Variants in G6PD observed in about 807,000 individuals in gnomAD.
G6PD encodes the protein glucose-6-phosphate 1-dehydrogenase.
In G6PD, 2 loss-of-function variants were observed where a neutral mutation model predicts 38.2. The observed-to-expected ratio is 0.05, with a 90% CI of 0.02 to 0.16. G6PD has a LOEUF of 0.16. G6PD is among the 10% of genes least tolerant of loss of function. The pLI is 1.00. For synonymous variants in G6PD, 188 were observed against 196.0 expected (o/e 0.96, Z 0.34); for missense variants, 310 against 471.6 (o/e 0.66, Z 3.17).
intron 1 of G6PD, 57 bp downstream of exon 1, chrX:154,546,732 G>A: frequency 1.0e-6 from 1 of 959,126 alleles, no homozygotes; most frequent in Non-Finnish European, 1.4e-6. Context: ...ACCGCCGCGC[G>A]GCGCAGCGCG....
chrX:154,531,924 CG>C lies in G6PD; in HGVS notation c.*75del, dbSNP rs2070340106. 1.1e-5 allele frequency: 12 copies of C among 1,082,723 alleles called. No homozygotes were observed. The highest frequency in any genetic ancestry group is 1.5e-5 in the Non-Finnish European group (12 of 824,133). The allele number at this position is 1,082,723 out of a possible 1,213,427, so 89.2% of individuals were successfully genotyped here. A position where few individuals can be genotyped will look rare whatever the true frequency, so the allele number is the denominator to read the frequency against. On this transcript the variant is annotated 3_prime_UTR_variant, in exon 13 of 13. Coordinates refer to ENST00000393562, the MANE Select transcript of G6PD (RefSeq NM_001360016.2). The stretch of plus-strand genomic sequence containing the variant: ...AATGTGCAGCTGAGGTCAATGGTCC[CG>C]GAGTCCTCCCGACTCGGGGTCGGGC...
At chrX:154,533,976 C>A (rs1204336140) in intron 7 of G6PD, 59 bp downstream of exon 7, 74 of 1,207,317 alleles carry the variant, frequency 6.1e-5, no homozygotes, top group Non-Finnish European at 7.5e-5. Context: ...AGTAGCCCTG[C>A]AGGGTGACTG....
intron 5 of G6PD, among the ~76,000 whole-genome samples, chrX:154,534,867 C>T (rs1258202628): frequency 2.7e-5 from 3 of 112,131 alleles, no homozygotes; most frequent in African/African-American, 9.7e-5. Flanking sequence ...TTTACTACCC[C>T]CGCATTCAAA....
At position 154,532,979 on chromosome X, in the gene G6PD, T is replaced by C. The variant is rs1401465965; in HGVS notation, c.1014A>G (p.Ala338=). The part of the protein sequence containing the change: ...VPRGSTTATF[A]AVVLYVENER... The stretch of plus-strand genomic sequence containing the variant: ...CATTCTCCACATAGAGGACGACGGC[T>C]GCAAAAGTGGCGGTGGTGGACCCGC... The change falls in exon 9 of 13, where the codon GCA becomes GCG. Residue 338 remains alanine, a synonymous_variant. Transcript: ENST00000393562. 9.1e-6 allele frequency: 11 copies of C among 1,210,787 alleles called. No homozygotes were observed. The African/African-American group carries it at 1.6e-4, about 17-fold the overall frequency.
At chrX:154,537,738 GAATTCC>G (rs1431383694) in intron 2 of G6PD, among the ~76,000 whole-genome samples, 4 of 112,259 alleles carry the variant, frequency 3.6e-5, no homozygotes, top group African/African-American at 1.3e-4. Flanking sequence ...AAGCACAAGA[GAATTCC>G]AGCCTGAAGC....
At chrX:154,542,864 C>T (rs1347246901) in intron 2 of G6PD, among the ~76,000 whole-genome samples, 1 of 112,233 alleles carries the variant, frequency 8.9e-6, no homozygotes, top group Admixed American at 9.4e-5. Flanking sequence ...TCTTGCTGGT[C>T]TGCTTACTTG....
intron 7 of G6PD, 96 bp from the exon 8 acceptor site, chrX:154,533,765 G>GCTGCAAGA (rs1557230113): frequency 2.6e-5 from 31 of 1,186,854 alleles, no homozygotes; most frequent in Non-Finnish European, 3.4e-5. Context: ...CTAGTGACAA[G>GCTGCAAGA]CTGCAAGACT....
At chrX:154,544,583 C>T (rs2070638164) in intron 2 of G6PD, among the ~76,000 whole-genome samples, 1 of 112,707 alleles carries the variant, frequency 8.9e-6, no homozygotes, top group South Asian at 3.6e-4. Flanking sequence ...GCGTGAGCCA[C>T]CGTGCCCGGC....
At chrX:154,540,319 A>G (rs1264791167) in intron 2 of G6PD, among the ~76,000 whole-genome samples, 9 of 110,224 alleles carry the variant, frequency 8.2e-5, no homozygotes, top group Non-Finnish European at 1.3e-4. Flanking sequence ...AATACAAAAA[A>G]TTAGCTGGAT....
In G6PD at chrX:154,532,926, C is replaced by T. The variant is rs782637386; in HGVS notation, c.1051+16G>A. ...TGCCCAGTTCTGCCTTGCTGGGCCT[C>T]GAAGGCATCACCTACCATCCCACCT... On this transcript the variant is annotated intron_variant, in intron 9 of 12. Transcript: ENST00000393562. 141 of 1,210,207 alleles carry T rather than the reference C, an allele frequency of 1.2e-4. No homozygotes were observed. The highest frequency in any genetic ancestry group is 1.5e-4 in the Non-Finnish European group (133 of 895,005).
At chrX:154,537,300 C>T (rs1353620065) in intron 2 of G6PD, among the ~76,000 whole-genome samples, 2 of 110,220 alleles carry the variant, frequency 1.8e-5, no homozygotes, top group Non-Finnish European at 3.8e-5. Flanking sequence ...AGTGAAACTC[C>T]GTCTCAAAAA....
At chrX:154,537,960 G>A (rs1404531735) in intron 2 of G6PD, among the ~76,000 whole-genome samples, 4 of 109,236 alleles carry the variant, frequency 3.7e-5, no homozygotes, top group African/African-American at 1.3e-4. Context: ...GGGAGACCAA[G>A]GTGGGAGGAA....
At chrX:154,539,729 C>CT (rs1206155101) in intron 2 of G6PD, among the ~76,000 whole-genome samples, 263 of 105,153 alleles carry the variant, frequency 2.5e-3, no homozygotes, top group South Asian at 6.2e-3. Context: ...ACATGTATTT[C>CT]TTTTTTTTTT....
upstream of G6PD, chrX:154,547,178 G>A (rs1569556447): frequency 1.2e-5 from 3 of 246,144 alleles, no homozygotes; most frequent in African/African-American, 5.9e-5. Flanking sequence ...TTCCCCGCCT[G>A]CCCCGGCGGC....
upstream of G6PD, chrX:154,547,410 G>A (rs1430869445): frequency 1.3e-6 from 1 of 754,501 alleles, no homozygotes; most frequent in Non-Finnish European, 1.6e-6. Flanking sequence ...CCGTCCGAGA[G>A]ACGAGGGGGC....
Position 154,531,532 on chromosome X carries a change from C to T in G6PD, c.*468G>A, listed in dbSNP as rs1050830. The stretch of plus-strand genomic sequence containing the variant: ...CAGAGTTGGTGGGACAGGGGACATC[C>T]AGGGGGCTCGAGATGTTGCTGGTGA... On this transcript the variant is annotated 3_prime_UTR_variant, in exon 13 of 13. Transcript: ENST00000393562. 1 of 175,181 alleles carries T rather than the reference C, an allele frequency of 5.7e-6. No homozygotes were observed. Among genetic ancestry groups the T allele is most frequent in the Non-Finnish European group, 1.1e-5 (1 of 91,655 alleles). 14.4% of individuals were successfully genotyped at this position (175,181 alleles called of 1,213,427 possible). A position where few individuals can be genotyped will look rare whatever the true frequency, so the allele number is the denominator to read the frequency against.
chrX:154,534,385 G>A lies in G6PD; in HGVS notation c.597C>T (p.Ile199=), dbSNP rs369516039. 1.7e-5 allele frequency: 20 copies of A among 1,209,932 alleles called. No homozygotes were observed. The highest frequency in any genetic ancestry group is 2.1e-5 in the Non-Finnish European group (19 of 895,032). The change falls in exon 6 of 13, where the codon ATC becomes ATT. Residue 199 remains isoleucine (I), a synonymous_variant. Transcript: ENST00000393562. ...SLFREDQIYR[I]DHYLGKEMVQ... ...CCATCTCCTTGCCCAGGTAGTGGTC[G>A]ATGCGGTAGATCTGGTCCTCACGGA...
intron 2 of G6PD, chrX:154,542,537 C>G: frequency 9.5e-7 from 1 of 1,049,540 alleles, no homozygotes. Flanking sequence ...GAGGTGCCAT[C>G]AGGGCCCCCA....
chrX:154,539,923 A>G (rs1386070679), intron 2 of G6PD, among the ~76,000 whole-genome samples: 1 of 109,848 alleles, frequency 9.1e-6, no homozygotes, highest in African/African-American at 3.3e-5. Context: ...GGGTTTCGCC[A>G]TGTTGGCCAG....
Sources: allele counts gnomAD v4.1 joint callset (sites outside exome capture counted in the v4.1 genomes callset), GRCh38; gene constraint gnomAD v4.1.1; transcripts MANE v1.5; gene names NCBI Gene and HGNC (gene_info 2026-07-23, HGNC 2026-07-21).